XRCC5: variants seen among roughly 807,000 people sequenced by gnomAD.
The protein encoded by XRCC5 is DNA repair protein Ku80.
XRCC5 carries 12 observed loss-of-function variants against 95.7 expected under a neutral mutation model. The ratio of observed to expected loss-of-function variants is 0.13; its 90% CI spans 0.08 to 0.20. XRCC5 has a LOEUF of 0.20. Among genes scored for constraint, XRCC5 ranks in the 10% least tolerant of loss-of-function variants. The probability of loss-of-function intolerance (pLI) is 1.00; values close to 1 mark genes in which losing one functional copy is unlikely to be tolerated. For missense variants in XRCC5, 595 were observed against 873.9 expected (o/e 0.68, Z 4.02); for synonymous variants, 281 against 290.3 (o/e 0.97, Z 0.33).
intron 10 of XRCC5, among the ~76,000 whole-genome samples, chr2:216,133,956 T>G (rs947919429): frequency 6.6e-6 from 1 of 152,198 alleles, no homozygotes; most frequent in Non-Finnish European, 1.5e-5. Context: ...AATTATCTTG[T>G]AGAATAGAAA....
chr2:216,133,772 A>G (rs1458441196), intron 10 of XRCC5, among the ~76,000 whole-genome samples: 2 of 152,234 alleles, frequency 1.3e-5, no homozygotes, highest in African/African-American at 4.8e-5. Context: ...TGAGGTAGTC[A>G]AAAAATGATA....
At chr2:216,113,329 C>T (rs943559929) in intron 2 of XRCC5, among the ~76,000 whole-genome samples, 200 bp downstream of exon 2, 2 of 152,148 alleles carry the variant, frequency 1.3e-5, no homozygotes, top group Admixed American at 1.3e-4. Context: ...GTTTTGGCCC[C>T]TTCACTAGAT....
At chr2:216,177,498 A>G (rs1372656388) in intron 16 of XRCC5, among the ~76,000 whole-genome samples, 1 of 152,200 alleles carries the variant, frequency 6.6e-6, no homozygotes, top group Non-Finnish European at 1.5e-5. Context: ...GCAAGACTGT[A>G]TGTGTTTCTG....
chr2:216,201,081 C>T (rs1431799636), intron 19 of XRCC5, among the ~76,000 whole-genome samples: 1 of 152,026 alleles, frequency 6.6e-6, no homozygotes, highest in African/African-American at 2.4e-5. Flanking sequence ...TGTTTTTGAG[C>T]GAAATTAGTT....
chr2:216,162,084 T>C, intron 16 of XRCC5, 36 bp downstream of exon 16: 2 of 1,570,946 alleles, frequency 1.3e-6, no homozygotes, highest in East Asian at 2.2e-5. Context: ...AGAAGCTGTT[T>C]AGTTAAGCTA....
intron 16 of XRCC5, among the ~76,000 whole-genome samples, chr2:216,187,466 C>G (rs908884031): frequency 8.1e-5 from 9 of 111,380 alleles, no homozygotes; most frequent in Non-Finnish European, 1.5e-4. Flanking sequence ...AAGATAGCAA[C>G]TGTGTGTGTG....
In XRCC5 at chr2:216,150,680, C is replaced by T. The variant is rs1303122860; in HGVS notation, c.1670+2404C>T. ...GGGCAGATAACCGAGGTCAGGAGTT[C>T]GAGACAGTCTGGCCAACATTTTTAG... On this transcript the variant is annotated intron_variant, in intron 14 of 20. Coordinates refer to ENST00000392132, the MANE Select transcript of XRCC5 (RefSeq NM_021141.4). Among the ~76,000 whole-genome samples the T allele has an allele frequency of 5.3e-5, 8 of 152,162 alleles. No individual in the cohort carries two copies. The East Asian group carries it at 1.5e-3, about 29-fold the overall frequency.
chr2:216,160,073 A>G lies in XRCC5; in HGVS notation c.1676A>G (p.Glu559Gly). 1 of 1,583,776 alleles carries G rather than the reference A, an allele frequency of 6.3e-7. No individual in the cohort carries two copies. The highest frequency in any genetic ancestry group is 2.3e-5 in the East Asian group (1 of 43,242). Reference protein sequence around the residue: ...TAQEIFQDNHEDGPTAKKLKT... With the variant: ...TAQEIFQDNHGDGPTAKKLKT... Reference sequence around the variant, plus strand: ...ATTTTTTTTTTCTTTTCTAGCCATGAAGATGGACCTACAGCTAAAAAATTA... The same window carrying G: ...ATTTTTTTTTTCTTTTCTAGCCATGGAGATGGACCTACAGCTAAAAAATTA... Residue 559 changes from glutamate (E) to glycine (G), a missense_variant, in exon 15 of 21, where the codon GAA becomes GGA. Physicochemically the swap from Glu to Gly is moderately conservative, Grantham distance 98. Coordinates refer to ENST00000392132, the MANE Select transcript of XRCC5 (RefSeq NM_021141.4).
intron 19 of XRCC5, among the ~76,000 whole-genome samples, chr2:216,201,499 T>C (rs748145914): frequency 2.0e-5 from 3 of 152,198 alleles, no homozygotes; most frequent in Non-Finnish European, 4.4e-5. Context: ...TGGCCAGGAT[T>C]ATATTTCAGT....
chr2:216,204,446 G>A (rs779506505), intron 20 of XRCC5, 50 bp downstream of exon 20: 2 of 1,597,782 alleles, frequency 1.3e-6, no homozygotes. Context: ...AGTCACCTGA[G>A]CTGTAAATAC....
chr2:216,185,704 C>G (rs562418266), intron 16 of XRCC5, among the ~76,000 whole-genome samples: 55 of 143,892 alleles, frequency 3.8e-4, no homozygotes, highest in Non-Finnish European at 4.5e-5. Flanking sequence ...GAGATGGAAT[C>G]TCACTCTGTT....
chr2:216,195,169 G>A (rs1338605083), intron 19 of XRCC5, among the ~76,000 whole-genome samples, 183 bp downstream of exon 19: 1 of 152,072 alleles, frequency 6.6e-6, no homozygotes, highest in Admixed American at 6.5e-5. Flanking sequence ...TCAGTTTCCT[G>A]TAGGCTGTGG....
At chr2:216,160,600 T>C (rs207912) in intron 15 of XRCC5, among the ~76,000 whole-genome samples, 90,891 of 152,010 alleles carry the variant, frequency 0.6, 27,835 homozygotes, top group African/African-American at 0.71. Context: ...TCCCCAAGAA[T>C]GTATCCTTTG....
chr2:216,142,382 T>G (rs1435176539), intron 13 of XRCC5, among the ~76,000 whole-genome samples: 3 of 152,082 alleles, frequency 2.0e-5, no homozygotes, highest in Non-Finnish European at 4.4e-5. Flanking sequence ...AAAGAATAAT[T>G]AAAATACAGA....
At chr2:216,138,614 T>C (rs562396335) in intron 12 of XRCC5, among the ~76,000 whole-genome samples, 37 of 152,290 alleles carry the variant, frequency 2.4e-4, no homozygotes, top group African/African-American at 8.7e-4. Flanking sequence ...GCACCAACAG[T>C]CCAAGTCTCA....
chr2:216,161,390 C>T (rs765911095), intron 15 of XRCC5, among the ~76,000 whole-genome samples: 210 of 152,260 alleles, frequency 1.4e-3, no homozygotes, highest in Middle Eastern at 3.4e-3. Flanking sequence ...ATGGCAGTTT[C>T]GTCTTTCAAA....
chr2:216,172,889 T>C (rs1003378888), intron 16 of XRCC5, among the ~76,000 whole-genome samples: 10 of 152,214 alleles, frequency 6.6e-5, no homozygotes, highest in Non-Finnish European at 1.0e-4. Context: ...CATGGAATAG[T>C]TACTCATTTA....
intron 14 of XRCC5, among the ~76,000 whole-genome samples, chr2:216,159,353 C>T (rs1330350777): frequency 6.6e-6 from 1 of 152,070 alleles, no homozygotes; most frequent in Non-Finnish European, 1.5e-5. Flanking sequence ...GACTTTAAGA[C>T]AGGCTGTTAA....
At chr2:216,146,105 T>A (rs190220542) in intron 13 of XRCC5, among the ~76,000 whole-genome samples, 1 of 152,300 alleles carries the variant, frequency 6.6e-6, no homozygotes, top group East Asian at 1.9e-4. Context: ...AGGCCTGATG[T>A]TACTGATGCT....
Sources: allele counts gnomAD v4.1 joint callset (sites outside exome capture counted in the v4.1 genomes callset), GRCh38; gene constraint gnomAD v4.1.1; transcripts MANE v1.5; gene names NCBI Gene and HGNC (gene_info 2026-07-23, HGNC 2026-07-21).